ZSWIM6: variants seen among roughly 807,000 people sequenced by gnomAD.
The protein encoded by ZSWIM6 is zinc finger SWIM domain-containing protein 6.
Under a neutral mutation model 113.2 loss-of-function variants are expected in ZSWIM6, and 9 were observed. The ratio of observed to expected loss-of-function variants is 0.08; its 90% CI spans 0.05 to 0.14. ZSWIM6 has a LOEUF of 0.14. ZSWIM6 is among the 10% of genes least tolerant of loss of function. The probability of loss-of-function intolerance (pLI) is 1.00; values close to 1 mark genes in which losing one functional copy is unlikely to be tolerated. For missense variants in ZSWIM6, 1,162 were observed against 1,552.2 expected (o/e 0.75, Z 4.22); for synonymous variants, 611 against 606.5 (o/e 1.01, Z -0.11).
intron 1 of ZSWIM6, among the ~76,000 whole-genome samples, chr5:61,387,866 A>G (rs1008763518): frequency 6.6e-5 from 10 of 151,158 alleles, no homozygotes; most frequent in Non-Finnish European, 1.2e-4. Flanking sequence ...AGCCGAGATC[A>G]TGCCACTGCA....
Position 61,332,285 on chromosome 5 carries a change from G to A in ZSWIM6, c.13G>A (p.Gly5Arg), listed in dbSNP as rs1744263511. The change falls in exon 1 of 14, where the codon GGA becomes AGA. Residue 5 changes from glycine (G) to arginine (R), a missense_variant. Coordinates refer to ENST00000252744, the MANE Select transcript of ZSWIM6 (RefSeq NM_020928.2). ...AAGCGGCGCGGTCATGGCGGAGCGC[G>A]GACAGCAGCCTCCTCCCGCGAAACG... MAERGQQPPPAKRLC... is the reference protein window; with the variant it reads MAERRQQPPPAKRLC... 3.4e-6 allele frequency: 4 copies of A among 1,165,642 alleles called. No individual in the cohort carries two copies. The highest frequency in any genetic ancestry group is 8.4e-5 in the South Asian group (2 of 23,844). 72.2% of individuals were successfully genotyped at this position (1,165,642 alleles called of 1,614,324 possible). A position where few individuals can be genotyped will look rare whatever the true frequency, so the allele number is the denominator to read the frequency against.
chr5:61,433,617 C>A (rs1746632821), intron 1 of ZSWIM6, among the ~76,000 whole-genome samples: 1 of 151,880 alleles, frequency 6.6e-6, no homozygotes, highest in Non-Finnish European at 1.5e-5. Flanking sequence ...GGATTACAGG[C>A]TTGTACCACC....
intron 1 of ZSWIM6, among the ~76,000 whole-genome samples, chr5:61,381,834 G>C (rs1400804176): frequency 6.6e-6 from 1 of 152,164 alleles, no homozygotes; most frequent in East Asian, 1.9e-4. Flanking sequence ...AGTTTTTTGT[G>C]TGGATACATG....
chr5:61,385,609 T>C (rs1745578629), intron 1 of ZSWIM6, among the ~76,000 whole-genome samples: 1 of 152,258 alleles, frequency 6.6e-6, no homozygotes, highest in Non-Finnish European at 1.5e-5. Context: ...ATTGGCATTC[T>C]ATCAATGTTA....
At chr5:61,374,904 G>A (rs1745338718) in intron 1 of ZSWIM6, among the ~76,000 whole-genome samples, 1 of 152,102 alleles carries the variant, frequency 6.6e-6, no homozygotes, top group South Asian at 2.1e-4. Context: ...CTGTAAATTG[G>A]AAGTAACTCC....
In ZSWIM6 at chr5:61,414,839, G is replaced by C. The variant is rs958123577; in HGVS notation, c.677-57842G>C. 2.6e-5 allele frequency among the ~76,000 whole-genome samples: 4 copies of C among 152,134 alleles called. No individual in the cohort carries two copies. The East Asian group carries it at 5.8e-4, about 22-fold the overall frequency. On this transcript the variant is annotated intron_variant, in intron 1 of 13. Transcript: ENST00000252744. ...TAAGTTTTTCTTTGCTTACTTTTTAGGTTATTTTTCCTTAAGAGATTTTAG... is the reference window on the plus strand; with the variant it reads ...TAAGTTTTTCTTTGCTTACTTTTTACGTTATTTTTCCTTAAGAGATTTTAG...
At chr5:61,463,257 C>T (rs544205025) in intron 1 of ZSWIM6, among the ~76,000 whole-genome samples, 1 of 152,228 alleles carries the variant, frequency 6.6e-6, no homozygotes, top group African/African-American at 2.4e-5. Context: ...TTGTAATGCT[C>T]AGACCAGTTT....
At chr5:61,391,155 C>A in intron 1 of ZSWIM6, 1 of 790,752 alleles carries the variant, frequency 1.3e-6, no homozygotes, top group Non-Finnish European at 2.3e-6. Flanking sequence ...TGTGGGGTAG[C>A]TTCTTGGTGT....
At chr5:61,381,577 C>T (rs1335133609) in intron 1 of ZSWIM6, among the ~76,000 whole-genome samples, 1 of 152,178 alleles carries the variant, frequency 6.6e-6, no homozygotes, top group Non-Finnish European at 1.5e-5. Context: ...ATGCTTGCCT[C>T]AGTGGTGAGC....
chr5:61,513,700 G>C (rs1328845614), intron 4 of ZSWIM6, among the ~76,000 whole-genome samples: 1 of 151,802 alleles, frequency 6.6e-6, no homozygotes, highest in African/African-American at 2.4e-5. Context: ...ATATCTAATT[G>C]TTCCCAACAC....
At chr5:61,407,695 G>A (rs1462627285) in intron 1 of ZSWIM6, among the ~76,000 whole-genome samples, 3 of 152,194 alleles carry the variant, frequency 2.0e-5, no homozygotes, top group Non-Finnish European at 4.4e-5. Flanking sequence ...ACAGTTCACA[G>A]AGAAATACAA....
chr5:61,492,193 GA>G (rs1463330990), intron 3 of ZSWIM6, among the ~76,000 whole-genome samples: 1 of 151,822 alleles, frequency 6.6e-6, no homozygotes, highest in Non-Finnish European at 1.5e-5. Flanking sequence ...AAATCTACCA[GA>G]AAAAATAAAC....
intron 2 of ZSWIM6, among the ~76,000 whole-genome samples, chr5:61,483,712 C>CA (rs36120611): frequency 0.14 from 17,131 of 125,678 alleles, 1,094 homozygotes; most frequent in Middle Eastern, 0.19. Flanking sequence ...ACTAAAAATA[C>CA]AAAAAAAAAA....
At chr5:61,376,911 G>C (rs928723842) in intron 1 of ZSWIM6, among the ~76,000 whole-genome samples, 2 of 150,942 alleles carry the variant, frequency 1.3e-5, no homozygotes, top group Non-Finnish European at 2.9e-5. Flanking sequence ...TAAAAAGCAG[G>C]GTTTTGATTA....
chr5:61,362,549 G>A (rs1745052429), intron 1 of ZSWIM6, among the ~76,000 whole-genome samples: 1 of 152,096 alleles, frequency 6.6e-6, no homozygotes, highest in African/African-American at 2.4e-5. Flanking sequence ...CTTGCACAGG[G>A]AGCCTCAGCT....
intron 3 of ZSWIM6, among the ~76,000 whole-genome samples, chr5:61,493,120 C>T (rs1236346085): frequency 6.6e-6 from 1 of 152,050 alleles, no homozygotes; most frequent in Non-Finnish European, 1.5e-5. Context: ...ATGGACAAAA[C>T]TTAAAGTTCC....
chr5:61,503,390 G>A (rs1371619474), intron 4 of ZSWIM6, among the ~76,000 whole-genome samples: 1 of 152,156 alleles, frequency 6.6e-6, no homozygotes, highest in Admixed American at 6.5e-5. Context: ...GTGATTTTAA[G>A]CTATGACTAG....
intron 1 of ZSWIM6, among the ~76,000 whole-genome samples, chr5:61,450,159 C>T (rs917106262): frequency 2.6e-5 from 4 of 152,174 alleles, no homozygotes; most frequent in African/African-American, 4.8e-5. Context: ...ATCCTCAGCC[C>T]GCTTTTTCCA....
Position 61,370,455 on chromosome 5 carries a change from T to G in ZSWIM6, c.676+37507T>G, listed in dbSNP as rs192291535. ...GTACATTTTTATATCTAGCTCTTTT[T>G]GGTTTGACATTGTATGATAAGCATT... On this transcript the variant is annotated intron_variant, in intron 1 of 13. Coordinates refer to ENST00000252744, the MANE Select transcript of ZSWIM6 (RefSeq NM_020928.2). Among the ~76,000 whole-genome samples, 1,362 of 152,398 alleles carry G rather than the reference T, an allele frequency of 8.9e-3. 6 individuals are homozygous for G. The highest frequency in any genetic ancestry group is 0.014 in the Non-Finnish European group (926 of 68,040).
Sources: allele counts gnomAD v4.1 joint callset (sites outside exome capture counted in the v4.1 genomes callset), GRCh38; gene constraint gnomAD v4.1.1; transcripts MANE v1.5; gene names NCBI Gene and HGNC (gene_info 2026-07-23, HGNC 2026-07-21).